The following RGL1 variants were observed in gnomAD, a reference collection of about 807,000 sequenced individuals.
RGL1 encodes ral guanine nucleotide dissociation stimulator-like 1.
RGL1 carries 24 observed loss-of-function variants against 95.2 expected under a neutral mutation model. The ratio of observed to expected loss-of-function variants is 0.25; its 90% CI spans 0.18 to 0.35. RGL1 has a LOEUF of 0.35. Ranked by LOEUF, RGL1 falls within the 10% of genes least tolerant of loss-of-function variation. RGL1 has a pLI of 1.00. For missense variants in RGL1, 715 were observed against 936.3 expected (o/e 0.76, Z 3.08); for synonymous variants, 329 against 344.9 (o/e 0.95, Z 0.51).
At chr1:183,828,674 G>A (rs1293290569) in intron 2 of RGL1, among the ~76,000 whole-genome samples, 1 of 152,178 alleles carries the variant, frequency 6.6e-6, no homozygotes, top group Non-Finnish European at 1.5e-5. Flanking sequence ...ATGAGATTGT[G>A]TATTTAAAAG....
At chr1:183,752,312 C>T (rs540066859) in intron 2 of RGL1, among the ~76,000 whole-genome samples, 15 of 152,056 alleles carry the variant, frequency 9.9e-5, no homozygotes, top group East Asian at 3.9e-4. Flanking sequence ...CTGCAACTTC[C>T]GCCTCCTGGT....
chr1:183,644,583 G>A (rs1001150336), intron 1 of RGL1, among the ~76,000 whole-genome samples: 7 of 151,956 alleles, frequency 4.6e-5, no homozygotes, highest in African/African-American at 7.3e-5. Context: ...TAGCCACCAC[G>A]CCTGGCCGAA....
intron 1 of RGL1, among the ~76,000 whole-genome samples, chr1:183,689,509 A>G (rs922394057): frequency 6.6e-6 from 1 of 152,188 alleles, no homozygotes; most frequent in African/African-American, 2.4e-5. Context: ...TAACATTTCT[A>G]GATAGATAGT....
intron 1 of RGL1, among the ~76,000 whole-genome samples, chr1:183,721,771 G>C (rs913497055): frequency 1.3e-5 from 2 of 149,128 alleles, no homozygotes; most frequent in Non-Finnish European, 3.0e-5. Context: ...CAAAGGACCA[G>C]CTTAAACATC....
At chr1:183,643,270 A>G (rs112877541) in intron 1 of RGL1, among the ~76,000 whole-genome samples, 10,699 of 74,124 alleles carry the variant, frequency 0.14, 427 homozygotes, top group Middle Eastern at 0.17. Flanking sequence ...TTTTTTATTT[A>G]TTTATTTATT....
intron 3 of RGL1, among the ~76,000 whole-genome samples, chr1:183,864,763 G>A (rs75558027): frequency 0.01 from 1,571 of 152,334 alleles, 23 homozygotes; most frequent in African/African-American, 0.036. Context: ...TGATGAGCTA[G>A]AGAAAGGAGC....
At chr1:183,710,176 C>T in intron 1 of RGL1, 1 of 231,808 alleles carries the variant, frequency 4.3e-6, no homozygotes. Flanking sequence ...TGGCTCTCAG[C>T]AGGTGGTCCA....
rs149685528 is a variant in RGL1 at position 183,648,107 on chromosome 1, G to A, written c.-33+11606G>A. On this transcript the variant is annotated intron_variant, in intron 1 of 18. Transcript: ENST00000304685. Reference sequence around the variant, plus strand: ...CTGTTATGGCATTGATTTCATATGCGTTGTGCCTGTCAGCCAGTGCTCTCC... The same window carrying A: ...CTGTTATGGCATTGATTTCATATGCATTGTGCCTGTCAGCCAGTGCTCTCC... 1.6e-4 allele frequency: 259 copies of A among 1,614,198 alleles called. 2 individuals are homozygous for A. The African/African-American group carries it at 2.8e-3, about 17-fold the overall frequency.
At chr1:183,860,947 T>C (rs1247196122) in intron 3 of RGL1, among the ~76,000 whole-genome samples, 1 of 152,154 alleles carries the variant, frequency 6.6e-6, no homozygotes, top group East Asian at 1.9e-4. Flanking sequence ...ATAGCTTGTA[T>C]GGTAGGGAGT....
intron 1 of RGL1, among the ~76,000 whole-genome samples, chr1:183,740,663 T>G (rs956915470): frequency 6.6e-6 from 1 of 152,118 alleles, no homozygotes; most frequent in Admixed American, 6.6e-5. Flanking sequence ...TTGGGGGGTG[T>G]GTGATGAATG....
chr1:183,698,334 C>A (rs567721100), intron 1 of RGL1, among the ~76,000 whole-genome samples: 1 of 152,336 alleles, frequency 6.6e-6, no homozygotes, highest in Non-Finnish European at 1.5e-5. Context: ...CTTATTCACT[C>A]TTCCCTGTTT....
At chr1:183,644,652 A>G (rs1157207462) in intron 1 of RGL1, among the ~76,000 whole-genome samples, 1 of 151,964 alleles carries the variant, frequency 6.6e-6, no homozygotes, top group Non-Finnish European at 1.5e-5. Flanking sequence ...AATTTATTTT[A>G]TTTTATTTTT....
chr1:183,877,485 C>A (rs1397994773), intron 4 of RGL1, among the ~76,000 whole-genome samples: 1 of 152,208 alleles, frequency 6.6e-6, no homozygotes, highest in African/African-American at 2.4e-5. Context: ...CCAGGACTGG[C>A]ACACACAAAG....
chr1:183,641,056 C>T (rs1649890149), intron 1 of RGL1, among the ~76,000 whole-genome samples: 1 of 152,104 alleles, frequency 6.6e-6, no homozygotes, highest in African/African-American at 2.4e-5. Context: ...CTAGAATAAA[C>T]TCTATTTGGT....
At chr1:183,692,978 G>A (rs1048998965) in intron 1 of RGL1, among the ~76,000 whole-genome samples, 21 of 148,566 alleles carry the variant, frequency 1.4e-4, no homozygotes, top group African/African-American at 4.0e-4. Context: ...TTTTTGAGAT[G>A]GAGTCTCGCT....
chr1:183,640,887 A>T (rs889300973), intron 1 of RGL1, among the ~76,000 whole-genome samples: 11 of 152,280 alleles, frequency 7.2e-5, no homozygotes, highest in Middle Eastern at 3.4e-3. Flanking sequence ...ACCAGTTGAC[A>T]TTATATTGAC....
chr1:183,880,856 C>G, intron 5 of RGL1, 56 bp downstream of exon 5: 2 of 1,511,904 alleles, frequency 1.3e-6, no homozygotes, highest in Non-Finnish European at 1.8e-6. Context: ...CCAGCCTCCA[C>G]GCTGGAGAAA....
At chr1:183,814,382 CAGT>C (rs1558222949) in intron 2 of RGL1, among the ~76,000 whole-genome samples, 2 of 152,024 alleles carry the variant, frequency 1.3e-5, no homozygotes, top group Admixed American at 1.3e-4. Flanking sequence ...CTGAGGATAA[CAGT>C]GGTGGTGGTT....
chr1:183,720,088 C>A (rs575309975), intron 1 of RGL1, among the ~76,000 whole-genome samples: 1 of 151,740 alleles, frequency 6.6e-6, no homozygotes, highest in South Asian at 2.1e-4. Flanking sequence ...GAAAAATTAG[C>A]GTTAAAAAAA....
Sources: gnomAD v4.1 joint callset for allele counts (sites outside exome capture counted in the v4.1 genomes callset) on GRCh38, gnomAD v4.1.1 for gene constraint, MANE v1.5 for transcripts, NCBI Gene and HGNC (gene_info 2026-07-23, HGNC 2026-07-21) for gene names.